The following MAP4 variants were observed in gnomAD, a reference collection of about 807,000 sequenced individuals.
The protein encoded by MAP4 is microtubule associated protein 4.
MAP4 carries 76 observed loss-of-function variants against 170.2 expected under a neutral mutation model. The observed-to-expected ratio is 0.45, with a 90% CI of 0.37 to 0.54. The LOEUF is 0.54. Among genes scored for constraint, MAP4 ranks in the 20% least tolerant of loss-of-function variants. The pLI is 0.00. For synonymous variants in MAP4, 909 were observed against 994.5 expected (o/e 0.91, Z 1.62); for missense variants, 2,506 against 2,748.0 (o/e 0.91, Z 1.97).
At chr3:47,889,544 C>G (rs2098221324) in intron 10 of MAP4, among the ~76,000 whole-genome samples, 1 of 152,182 alleles carries the variant, frequency 6.6e-6, no homozygotes. Context: ...GTTTTATCTA[C>G]AGAGTGGTTA....
intron 3 of MAP4, among the ~76,000 whole-genome samples, chr3:47,971,806 G>A (rs772998831): frequency 2.8e-4 from 43 of 152,288 alleles, no homozygotes; most frequent in Admixed American, 5.9e-4. Flanking sequence ...GACCAGTCCT[G>A]TGTCTTTGCC....
upstream of MAP4, among the ~76,000 whole-genome samples, chr3:48,018,606 C>A (rs560831504): frequency 1.3e-5 from 2 of 152,150 alleles, no homozygotes; most frequent in East Asian, 3.9e-4. Flanking sequence ...GAGATTGAGA[C>A]CATCCTGGCC....
At chr3:47,968,007 T>C (rs2100076140) in intron 3 of MAP4, among the ~76,000 whole-genome samples, 1 of 152,230 alleles carries the variant, frequency 6.6e-6, no homozygotes, top group Non-Finnish European at 1.5e-5. Flanking sequence ...TTTCAACTGC[T>C]GCTTCTGAGG....
At chr3:48,027,799 C>A (rs1559816782) in intron 1 of MAP4, among the ~76,000 whole-genome samples, 1 of 152,178 alleles carries the variant, frequency 6.6e-6, no homozygotes, top group Non-Finnish European at 1.5e-5. Flanking sequence ...GATTGCGGAA[C>A]TGCACCTCAG....
At chr3:48,004,673 T>C (rs905434643) in intron 1 of MAP4, among the ~76,000 whole-genome samples, 1 of 152,168 alleles carries the variant, frequency 6.6e-6, no homozygotes, top group South Asian at 2.1e-4. Flanking sequence ...AGGTGTCTAC[T>C]GCTAAAGTGA....
chr3:47,888,018 C>T (rs2097902262), intron 10 of MAP4, among the ~76,000 whole-genome samples: 1 of 151,968 alleles, frequency 6.6e-6, no homozygotes, highest in African/African-American at 2.4e-5. Context: ...CAATCAGCAC[C>T]CTGTGTTTAG....
At chr3:47,885,549 A>G (rs2097438028) in intron 10 of MAP4, among the ~76,000 whole-genome samples, 1 of 152,176 alleles carries the variant, frequency 6.6e-6, no homozygotes, top group Non-Finnish European at 1.5e-5. Context: ...GGAGGAGCAG[A>G]AAACAATGAG....
At chr3:48,022,901 A>G (rs1559808612) in intron 1 of MAP4, among the ~76,000 whole-genome samples, 2 of 152,106 alleles carry the variant, frequency 1.3e-5, no homozygotes, top group African/African-American at 2.4e-5. Context: ...AGGGGGGAAA[A>G]AAAAAAATTT....
intron 3 of MAP4, among the ~76,000 whole-genome samples, chr3:47,931,362 G>C (rs1439979172): frequency 6.6e-6 from 1 of 152,000 alleles, no homozygotes; most frequent in African/African-American, 2.4e-5. Context: ...GACAGAAAAA[G>C]GCCCTATTTT....
At chr3:47,986,699 AT>A (rs1200039574) in intron 2 of MAP4, among the ~76,000 whole-genome samples, 5 of 150,460 alleles carry the variant, frequency 3.3e-5, no homozygotes, top group African/African-American at 7.3e-5. Context: ...TTGGTACGAT[AT>A]TTTTTTTCCC....
At chr3:48,080,948 C>A (rs1029773450) in intron 1 of MAP4, among the ~76,000 whole-genome samples, 1 of 152,188 alleles carries the variant, frequency 6.6e-6, no homozygotes, top group Non-Finnish European at 1.5e-5. Flanking sequence ...CACGGTGAAA[C>A]CCCGTCTCTA....
intron 3 of MAP4, among the ~76,000 whole-genome samples, chr3:47,946,737 A>G (rs1038434387): frequency 1.3e-5 from 2 of 151,920 alleles, no homozygotes; most frequent in Non-Finnish European, 2.9e-5. Flanking sequence ...GGGCTATCAT[A>G]TATCTATGAT....
intron 1 of MAP4, among the ~76,000 whole-genome samples, chr3:48,009,651 C>T (rs192901798): frequency 6.6e-6 from 1 of 152,210 alleles, no homozygotes; most frequent in Non-Finnish European, 1.5e-5. Flanking sequence ...TCCAGAAGGC[C>T]GTGTATCCTC....
At chr3:48,072,876 A>G (rs1381580346) in intron 1 of MAP4, among the ~76,000 whole-genome samples, 2 of 152,216 alleles carry the variant, frequency 1.3e-5, no homozygotes, top group African/African-American at 2.4e-5. Flanking sequence ...GTAGAGAAAG[A>G]GAAACAAGAA....
In MAP4 at chr3:47,969,428, A is replaced by AT. The variant is rs1026488061; in HGVS notation, c.292+8436_292+8437insA. On this transcript the variant is annotated intron_variant, in intron 3 of 20. Transcript: ENST00000683076. The stretch of plus-strand genomic sequence containing the variant: ...TCTCGCGGGGCGCGGGGAGAGAAAA[A>AT]AAAAAAAGGATTAGTACCATAATAG... Among the ~76,000 whole-genome samples the AT allele has an allele frequency of 7.9e-5, 12 of 151,186 alleles. No homozygotes were observed. In the East Asian group the frequency reaches 2.3e-3, roughly 30 times the overall value.
chr3:48,060,373 A>T (rs952705002), intron 1 of MAP4, among the ~76,000 whole-genome samples: 6 of 152,164 alleles, frequency 3.9e-5, no homozygotes, highest in Non-Finnish European at 8.8e-5. Flanking sequence ...TATAGACCTA[A>T]ATGTAAGATA....
intron 1 of MAP4, among the ~76,000 whole-genome samples, chr3:48,007,231 C>T (rs908456236): frequency 6.6e-6 from 1 of 152,164 alleles, no homozygotes; most frequent in Non-Finnish European, 1.5e-5. Flanking sequence ...AATTCAGGGA[C>T]CTTCTGTCTC....
At chr3:47,890,488 G>A (rs940481572) in intron 10 of MAP4, among the ~76,000 whole-genome samples, 9 of 152,092 alleles carry the variant, frequency 5.9e-5, no homozygotes, top group South Asian at 2.1e-4. Flanking sequence ...AAAGTAAAAC[G>A]TTCTCCAAAG....
At chr3:47,974,677 T>C (rs1245626387) in intron 3 of MAP4, 14 of 959,914 alleles carry the variant, frequency 1.5e-5, no homozygotes, top group Non-Finnish European at 1.5e-5. Flanking sequence ...CAACTGGTTC[T>C]AGATTTAAGC....
Sources: gnomAD v4.1 joint callset for allele counts (sites outside exome capture counted in the v4.1 genomes callset) on GRCh38, gnomAD v4.1.1 for gene constraint, MANE v1.5 for transcripts, NCBI Gene and HGNC (gene_info 2026-07-23, HGNC 2026-07-21) for gene names.